Variants in EPHA3 observed in about 807,000 individuals in gnomAD.
EPHA3 encodes the protein ephrin type-A receptor 3.
Under a neutral mutation model 107.1 loss-of-function variants are expected in EPHA3, and 42 were observed. The observed-to-expected ratio is 0.39, with a 90% CI of 0.31 to 0.51. EPHA3 has a LOEUF of 0.51. Among genes scored for constraint, EPHA3 ranks in the 20% least tolerant of loss-of-function variants. The pLI, the probability that EPHA3 is intolerant of heterozygous loss-of-function variation, is 0.78. For missense variants in EPHA3, 1,183 were observed against 1,211.2 expected (o/e 0.98, Z 0.35); for synonymous variants, 461 against 424.8 (o/e 1.09, Z -1.05).
chr3:89,378,532 C>T (rs1708444500), intron 5 of EPHA3, among the ~76,000 whole-genome samples: 1 of 152,098 alleles, frequency 6.6e-6, no homozygotes, highest in Admixed American at 6.5e-5. Context: ...AAGTTTACTT[C>T]ACAAGCTTGG....
At chr3:89,424,143 C>T (rs1315951446) in intron 11 of EPHA3, among the ~76,000 whole-genome samples, 1 of 151,176 alleles carries the variant, frequency 6.6e-6, no homozygotes, top group African/African-American at 2.4e-5. Context: ...AATTTAATAA[C>T]ACTAGAATAA....
chr3:89,471,104 A>G (rs1220915379), intron 15 of EPHA3, among the ~76,000 whole-genome samples: 1 of 151,956 alleles, frequency 6.6e-6, no homozygotes, highest in African/African-American at 2.4e-5. Flanking sequence ...AGAAGTCAAT[A>G]TATTGTTCAC....
chr3:89,392,450 C>A (rs748175221), intron 5 of EPHA3, among the ~76,000 whole-genome samples: 3 of 149,562 alleles, frequency 2.0e-5, no homozygotes, highest in Non-Finnish European at 3.0e-5. Flanking sequence ...AAAAAAAAAA[C>A]CTAGGCTATC....
chr3:89,284,307 T>C (rs1706025748), intron 3 of EPHA3, among the ~76,000 whole-genome samples: 2 of 152,124 alleles, frequency 1.3e-5, no homozygotes, highest in Admixed American at 1.3e-4. Context: ...GAGTGATTAG[T>C]GAATTGGAAG....
chr3:89,452,451 C>A (rs1169966808), intron 15 of EPHA3, among the ~76,000 whole-genome samples: 1 of 152,134 alleles, frequency 6.6e-6, no homozygotes, highest in Non-Finnish European at 1.5e-5. Flanking sequence ...TAATGACTAG[C>A]GATGTTGAGT....
intron 3 of EPHA3, among the ~76,000 whole-genome samples, chr3:89,270,326 C>T (rs1203152708): frequency 6.6e-6 from 1 of 151,948 alleles, no homozygotes; most frequent in Admixed American, 6.6e-5. Flanking sequence ...TACCTATGAC[C>T]TTTATACTCA....
intron 3 of EPHA3, among the ~76,000 whole-genome samples, chr3:89,290,151 T>G (rs562894993): frequency 6.6e-6 from 1 of 152,142 alleles, no homozygotes; most frequent in Non-Finnish European, 1.5e-5. Context: ...TTTTATCACC[T>G]TTTCTTCTTA....
chr3:89,359,746 T>C (rs2107455894), intron 5 of EPHA3, among the ~76,000 whole-genome samples: 1 of 144,310 alleles, frequency 6.9e-6, no homozygotes, highest in Admixed American at 7.2e-5. Flanking sequence ...TACACATATA[T>C]ACACATATAT....
chr3:89,472,363 A>G, intron 15 of EPHA3, 101 bp from the exon 16 acceptor site: 1 of 1,258,004 alleles, frequency 7.9e-7, no homozygotes, highest in Non-Finnish European at 1.1e-6. Flanking sequence ...GGAACACCAT[A>G]TGAAGTCTGG....
chr3:89,458,519 C>A (rs1329627129), intron 15 of EPHA3, among the ~76,000 whole-genome samples: 2 of 152,202 alleles, frequency 1.3e-5, no homozygotes, highest in African/African-American at 4.8e-5. Context: ...GATTTATAAT[C>A]CATTGGGTAT....
intron 5 of EPHA3, among the ~76,000 whole-genome samples, chr3:89,387,334 A>G: frequency 6.6e-6 from 1 of 152,142 alleles, no homozygotes; most frequent in East Asian, 1.9e-4. Context: ...GTGAGTTCTC[A>G]TGCTATCTGA....
chr3:89,303,573 C>T (rs999846099), intron 3 of EPHA3, among the ~76,000 whole-genome samples: 8 of 151,758 alleles, frequency 5.3e-5, no homozygotes, highest in Non-Finnish European at 1.2e-4. Flanking sequence ...TATTCCTACA[C>T]ATGAGTCAAA....
At chr3:89,311,182 T>A (rs1259483452) in intron 3 of EPHA3, among the ~76,000 whole-genome samples, 1 of 152,024 alleles carries the variant, frequency 6.6e-6, no homozygotes, top group Non-Finnish European at 1.5e-5. Flanking sequence ...TGCCCCTCCC[T>A]ATGTTATAAA....
In EPHA3 at chr3:89,107,679, G is replaced by C. The variant is rs750351807; in HGVS notation, c.-70G>C. 7 of 1,396,244 alleles carry C rather than the reference G, an allele frequency of 5.0e-6. No homozygotes were observed. The highest frequency in any genetic ancestry group is 6.1e-6 in the Non-Finnish European group (6 of 987,632). The allele number at this position is 1,396,244 out of a possible 1,614,324, so 86.5% of individuals were successfully genotyped here. On this transcript the variant is annotated 5_prime_UTR_variant, in exon 1 of 17. Transcript: ENST00000336596. ...CATGGTAACTTCTCCAGCAATCAGA[G>C]CGCTCCCCCTCACATCAGTGGCATG... is the stretch of plus-strand genomic sequence containing the variant.
chr3:89,365,737 T>C (rs141262837), intron 5 of EPHA3, among the ~76,000 whole-genome samples: 27 of 150,796 alleles, frequency 1.8e-4, no homozygotes, highest in African/African-American at 6.3e-4. Flanking sequence ...TAGAGAGGAA[T>C]AGAGGACAAA....
chr3:89,361,490 T>C (rs1232723107), intron 5 of EPHA3, among the ~76,000 whole-genome samples: 1 of 150,996 alleles, frequency 6.6e-6, no homozygotes, highest in African/African-American at 2.4e-5. Flanking sequence ...TACAGCTGTG[T>C]CCCATTACAT....
chr3:89,155,983 A>G (rs1704796830), intron 2 of EPHA3, among the ~76,000 whole-genome samples: 2 of 152,064 alleles, frequency 1.3e-5, no homozygotes, highest in African/African-American at 4.8e-5. Context: ...TATCCAAAGG[A>G]AAAGAAATAA....
intron 2 of EPHA3, among the ~76,000 whole-genome samples, chr3:89,205,930 G>A (rs1312782265): frequency 6.6e-6 from 1 of 151,756 alleles, no homozygotes. Context: ...TGAAACATGG[G>A]CATTCTTTAC....
chr3:89,347,856 G>A (rs1285992381), intron 5 of EPHA3, among the ~76,000 whole-genome samples: 6 of 151,224 alleles, frequency 4.0e-5, no homozygotes, highest in African/African-American at 1.4e-4. Context: ...GGCTTTTTCT[G>A]CATCTATTGA....
Sources: gnomAD v4.1 joint callset for allele counts (sites outside exome capture counted in the v4.1 genomes callset) on GRCh38, gnomAD v4.1.1 for gene constraint, MANE v1.5 for transcripts, NCBI Gene and HGNC (gene_info 2026-07-23, HGNC 2026-07-21) for gene names.